MAGI2: variants seen among roughly 807,000 people sequenced by gnomAD.
MAGI2 encodes membrane-associated guanylate kinase, WW and PDZ domain-containing protein 2.
MAGI2 carries 35 observed loss-of-function variants against 133.3 expected under a neutral mutation model. That is an observed-to-expected ratio of 0.26 (90% CI 0.20 to 0.35). The LOEUF is 0.35. Ranked by LOEUF, MAGI2 falls within the 10% of genes least tolerant of loss-of-function variation. The pLI is 1.00. For synonymous variants in MAGI2, 729 were observed against 710.6 expected, an observed-to-expected ratio of 1.03 and a Z score of -0.41; for missense variants, 1,636 against 1,863.4, an observed-to-expected ratio of 0.88 and a Z score of 2.25.
intron 1 of MAGI2, among the ~76,000 whole-genome samples, chr7:79,029,222 C>G (rs773333647): frequency 2.6e-5 from 4 of 152,010 alleles, no homozygotes; most frequent in Non-Finnish European, 5.9e-5. Context: ...TATCTAATTG[C>G]TGACTCCGAA....
intron 1 of MAGI2, among the ~76,000 whole-genome samples, chr7:79,127,014 T>C (rs535594748): frequency 8.5e-4 from 125 of 147,704 alleles, no homozygotes; most frequent in African/African-American, 2.9e-3. Flanking sequence ...TGTGTTCTCA[T>C]TGTTCAATTC....
intron 2 of MAGI2, among the ~76,000 whole-genome samples, chr7:78,710,006 A>G: frequency 6.6e-6 from 1 of 152,112 alleles, no homozygotes; most frequent in South Asian, 2.1e-4. Flanking sequence ...TTCAAACAGA[A>G]CTTTCTAAGT....
At chr7:78,870,089 T>C (rs1385949909) in intron 2 of MAGI2, among the ~76,000 whole-genome samples, 1 of 152,022 alleles carries the variant, frequency 6.6e-6, no homozygotes, top group African/African-American at 2.4e-5. Flanking sequence ...TTTTTAGCTA[T>C]AAGGAACTCC....
intron 10 of MAGI2, among the ~76,000 whole-genome samples, chr7:78,219,549 T>A (rs1788602592): frequency 6.6e-6 from 1 of 152,132 alleles, no homozygotes; most frequent in African/African-American, 2.4e-5. Context: ...TCCTTCTAAA[T>A]CAGCCTTGTC....
chr7:78,673,972 T>C lies in MAGI2; in HGVS notation c.419-46733A>G, dbSNP rs184258618. Among the ~76,000 whole-genome samples, 318 of 152,318 alleles carry C rather than the reference T, an allele frequency of 2.1e-3. 3 individuals carry two copies. Among genetic ancestry groups the C allele is most frequent in the African/African-American group, 7.1e-3 (295 of 41,588 alleles). On this transcript the variant is annotated intron_variant, in intron 2 of 21. Transcript: ENST00000354212. Reference sequence around the variant, plus strand: ...ATTGGACATGATGTAGTTAATATTATGTATAAAGCAACTATAAATCAAACA... The same window carrying C: ...ATTGGACATGATGTAGTTAATATTACGTATAAAGCAACTATAAATCAAACA...
At chr7:78,804,662 TG>T (rs1788367551) in intron 2 of MAGI2, among the ~76,000 whole-genome samples, 1 of 147,198 alleles carries the variant, frequency 6.8e-6, no homozygotes, top group Non-Finnish European at 1.5e-5. Flanking sequence ...GGCAGGAGAA[TG>T]GTGTGAACCC....
chr7:79,342,042 A>G (rs1436545756), intron 1 of MAGI2, among the ~76,000 whole-genome samples: 1 of 152,148 alleles, frequency 6.6e-6, no homozygotes, highest in Non-Finnish European at 1.5e-5. Context: ...TTTCTGGTTT[A>G]CTTGTACTGT....
chr7:78,513,270 T>G (rs1006478653), intron 4 of MAGI2, among the ~76,000 whole-genome samples: 1 of 152,134 alleles, frequency 6.6e-6, no homozygotes. Context: ...TGGGGCAAAA[T>G]TGGAGTCAAC....
intron 3 of MAGI2, among the ~76,000 whole-genome samples, chr7:78,592,079 G>C (rs1004217121): frequency 6.6e-6 from 1 of 152,198 alleles, no homozygotes; most frequent in Non-Finnish European, 1.5e-5. Flanking sequence ...GATTAGTCCA[G>C]AAAGATCACA....
chr7:79,419,176 T>C (rs956656033), intron 1 of MAGI2, among the ~76,000 whole-genome samples: 8 of 152,060 alleles, frequency 5.3e-5, no homozygotes, highest in African/African-American at 1.9e-4. Flanking sequence ...TAAACATCTC[T>C]TGTTTTCTCC....
chr7:79,407,318 A>T (rs1198202503), intron 1 of MAGI2, among the ~76,000 whole-genome samples: 1 of 152,158 alleles, frequency 6.6e-6, no homozygotes, highest in Non-Finnish European at 1.5e-5. Context: ...CTATTTTTCC[A>T]GATCAGCCAC....
chr7:78,557,107 G>GA (rs908608549), intron 3 of MAGI2, among the ~76,000 whole-genome samples: 12 of 116,988 alleles, frequency 1.0e-4, no homozygotes, highest in South Asian at 2.6e-4. Context: ...AAAAGAAAAA[G>GA]AAAAAAAAAG....
At chr7:78,156,240 C>T (rs1824373438) in intron 16 of MAGI2, among the ~76,000 whole-genome samples, 1 of 152,128 alleles carries the variant, frequency 6.6e-6, no homozygotes, top group South Asian at 2.1e-4. Flanking sequence ...CATTGCTGAC[C>T]TAGGCTGTAA....
chr7:78,034,217 A>G (rs922069732), intron 21 of MAGI2, among the ~76,000 whole-genome samples: 1 of 152,180 alleles, frequency 6.6e-6, no homozygotes, highest in Non-Finnish European at 1.5e-5. Context: ...GGAGCTTGTT[A>G]TAGGAGGTAG....
intron 1 of MAGI2, among the ~76,000 whole-genome samples, chr7:79,096,306 T>G (rs145657288): frequency 4.8e-4 from 73 of 152,258 alleles, no homozygotes; most frequent in African/African-American, 1.7e-3. Context: ...GGTGTGTTCT[T>G]CTACCTATAG....
intron 14 of MAGI2, among the ~76,000 whole-genome samples, chr7:78,174,783 A>G (rs1826434796): frequency 6.6e-6 from 1 of 152,210 alleles, no homozygotes; most frequent in Non-Finnish European, 1.5e-5. Flanking sequence ...TCTTTGAGCC[A>G]CATGATATCA....
Position 78,135,310 on chromosome 7 carries a change from G to A in MAGI2, c.2846-104C>T, listed in dbSNP as rs565598466. The A allele has an allele frequency of 5.8e-5, 57 of 975,904 alleles. No homozygotes were observed. In the South Asian group the frequency reaches 7.0e-4, roughly 12 times the overall value. The allele number at this position is 975,904 out of a possible 1,614,324, so 60.5% of individuals were successfully genotyped here. A position where few individuals can be genotyped will look rare whatever the true frequency, so the allele number is the denominator to read the frequency against. ...ATGAAATGTCAGAATTCCTTCCTTC[G>A]TCAGTGTATTTGCCTTTTGAAATCA... On this transcript the variant is annotated intron_variant, in intron 16 of 21. Transcript: ENST00000354212.
chr7:78,540,052 G>A (rs965278025), intron 3 of MAGI2, among the ~76,000 whole-genome samples: 1 of 152,230 alleles, frequency 6.6e-6, no homozygotes, highest in African/African-American at 2.4e-5. Context: ...GAGCGCATCA[G>A]CTGTGATCAT....
rs114753868 is a variant in MAGI2 at position 78,154,760 on chromosome 7, G to A, written c.2845+5265C>T. Among the ~76,000 whole-genome samples, 974 of 152,264 alleles carry A rather than the reference G, an allele frequency of 6.4e-3. 18 individuals are homozygous for A. Among genetic ancestry groups the A allele is most frequent in the African/African-American group, 0.022 (916 of 41,546 alleles). On this transcript the variant is annotated intron_variant, in intron 16 of 21. Coordinates refer to ENST00000354212, the MANE Select transcript of MAGI2 (RefSeq NM_012301.4). Reference sequence around the variant, plus strand: ...AAAGCCCTTCTTGGGAACCTCTGGTGGGAAAGTAGGTTTGTTAAGGAGGTA... The same window carrying A: ...AAAGCCCTTCTTGGGAACCTCTGGTAGGAAAGTAGGTTTGTTAAGGAGGTA...
Sources: gnomAD v4.1 joint callset for allele counts (sites outside exome capture counted in the v4.1 genomes callset) on GRCh38, gnomAD v4.1.1 for gene constraint, MANE v1.5 for transcripts, NCBI Gene and HGNC (gene_info 2026-07-23, HGNC 2026-07-21) for gene names.